BMPER: variants seen among roughly 807,000 people sequenced by gnomAD.
BMPER encodes BMP-binding endothelial regulator protein.
In BMPER, 45 loss-of-function variants were observed where a neutral mutation model predicts 87.3. The observed-to-expected ratio is 0.52, with a 90% CI of 0.41 to 0.66. The LOEUF is 0.66. BMPER is among the 30% of genes least tolerant of loss of function. The probability of loss-of-function intolerance (pLI) is 0.00; values close to 1 mark genes in which losing one functional copy is unlikely to be tolerated. For missense variants in BMPER, 784 were observed against 867.5 expected (o/e 0.90, Z 1.21); for synonymous variants, 326 against 316.2 (o/e 1.03, Z -0.33).
chr7:34,044,623 G>T (rs1787912295), intron 6 of BMPER, among the ~76,000 whole-genome samples: 1 of 152,120 alleles, frequency 6.6e-6, no homozygotes, highest in South Asian at 2.1e-4. Flanking sequence ...TATTATGCAG[G>T]GTTGAGTGAG....
chr7:34,052,371 A>C (rs1473770841), intron 8 of BMPER, among the ~76,000 whole-genome samples: 2 of 152,216 alleles, frequency 1.3e-5, no homozygotes, highest in Non-Finnish European at 2.9e-5. Flanking sequence ...TTCATCACAA[A>C]GATAAACCTG....
At chr7:33,921,342 TAAG>T (rs1194867830) in intron 2 of BMPER, among the ~76,000 whole-genome samples, 1 of 152,210 alleles carries the variant, frequency 6.6e-6, no homozygotes, top group Admixed American at 6.5e-5. Flanking sequence ...CTGGCATTCT[TAAG>T]AAACCAGTTT....
At chr7:33,996,287 C>T (rs909749827) in intron 6 of BMPER, among the ~76,000 whole-genome samples, 10 of 152,102 alleles carry the variant, frequency 6.6e-5, no homozygotes, top group African/African-American at 2.2e-4. Flanking sequence ...ACATGCTGTG[C>T]CTGCTAGCCA....
intron 3 of BMPER, among the ~76,000 whole-genome samples, chr7:33,943,326 C>T (rs1056814514): frequency 6.6e-6 from 1 of 152,062 alleles, no homozygotes; most frequent in Non-Finnish European, 1.5e-5. Flanking sequence ...CCCCGCACCC[C>T]ACAACATCAA....
chr7:34,002,305 A>G (rs947619855), intron 6 of BMPER, among the ~76,000 whole-genome samples: 1 of 151,814 alleles, frequency 6.6e-6, no homozygotes, highest in African/African-American at 2.4e-5. Flanking sequence ...ACAGTATTCA[A>G]TAAGTTACAT....
intron 13 of BMPER, among the ~76,000 whole-genome samples, chr7:34,127,349 T>TTGTCCCCCTACCGCCAATTGTTA (rs1342405584): frequency 4.6e-5 from 7 of 152,212 alleles, no homozygotes; most frequent in Admixed American, 4.6e-4. Context: ...CTGGCTTCTA[T>TTGTCCCCCTACCGCCAATTGTTA]TGTCCCCCTA....
chr7:34,047,844 T>TCCCTTCCTCCCTTCCTCCCTTCCTTCCC (rs1788029963), intron 7 of BMPER, among the ~76,000 whole-genome samples: 1 of 135,654 alleles, frequency 7.4e-6, no homozygotes, highest in Non-Finnish European at 1.6e-5. Flanking sequence ...GCTTTCTTTC[T>TCCCTTCCTCCCTTCCTCCCTTCCTTCCC]CTTTCTATCA....
At chr7:34,035,637 G>C (rs1787643577) in intron 6 of BMPER, among the ~76,000 whole-genome samples, 4 of 152,142 alleles carry the variant, frequency 2.6e-5, no homozygotes, top group Admixed American at 2.0e-4. Flanking sequence ...ACATTTTTGA[G>C]TTATTTTCAG....
intron 3 of BMPER, among the ~76,000 whole-genome samples, chr7:33,949,450 T>G (rs2128612799): frequency 6.6e-6 from 1 of 152,216 alleles, no homozygotes; most frequent in African/African-American, 2.4e-5. Flanking sequence ...TTTCATTTCT[T>G]TGTGTGTGTG....
At chr7:34,024,378 A>C (rs1787287698) in intron 6 of BMPER, among the ~76,000 whole-genome samples, 3 of 89,320 alleles carry the variant, frequency 3.4e-5, no homozygotes, top group African/African-American at 5.7e-5. Flanking sequence ...AAAAAAAAAA[A>C]AAAACAATAT....
chr7:33,905,166 G>A (rs1783773810), upstream of BMPER: 1 of 260,782 alleles, frequency 3.8e-6, no homozygotes, highest in Admixed American at 5.0e-5. Context: ...GGGAGTGGAG[G>A]ACGCTGCGGC....
At chr7:33,979,451 A>G (rs116307546) in intron 6 of BMPER, among the ~76,000 whole-genome samples, 7 of 151,760 alleles carry the variant, frequency 4.6e-5, no homozygotes, top group African/African-American at 1.2e-4. Flanking sequence ...CTTCCCTGCC[A>G]TCTTTCCCTC....
intron 6 of BMPER, among the ~76,000 whole-genome samples, chr7:33,995,139 T>A (rs1190791661): frequency 6.6e-6 from 1 of 152,158 alleles, no homozygotes; most frequent in East Asian, 1.9e-4. Context: ...TAAATTATAT[T>A]CAAAGATGCA....
At chr7:34,071,823 T>C (rs1788743195) in intron 11 of BMPER, among the ~76,000 whole-genome samples, 1 of 152,204 alleles carries the variant, frequency 6.6e-6, no homozygotes, top group African/African-American at 2.4e-5. Context: ...AATCATATAT[T>C]ATTGTTTATA....
intron 3 of BMPER, among the ~76,000 whole-genome samples, chr7:33,937,770 C>T (rs1329638923): frequency 6.6e-6 from 1 of 152,172 alleles, no homozygotes; most frequent in Admixed American, 6.5e-5. Flanking sequence ...CACACTCACC[C>T]TGCCCACCTC....
chr7:34,084,590 T>C (rs61671457), intron 12 of BMPER, among the ~76,000 whole-genome samples: 4,133 of 152,290 alleles, frequency 0.027, 194 homozygotes, highest in African/African-American at 0.094. Flanking sequence ...AAACAAAAAC[T>C]CTGGCTAGAA....
Position 34,036,155 on chromosome 7 carries a change from C to T in BMPER, c.577-10151C>T, listed in dbSNP as rs188935841. ...ATTGTTCTTTTCATCTGCCTGGAAG[C>T]GGGCCAGGCTGTAGATAAAGCGTTT... On this transcript the variant is annotated intron_variant, in intron 6 of 14. Coordinates refer to ENST00000649409, the MANE Select transcript of BMPER (RefSeq NM_001365308.1). Among the ~76,000 whole-genome samples, 53 of 152,210 alleles carry T rather than the reference C, an allele frequency of 3.5e-4. No individual in the cohort carries two copies. In the South Asian group the frequency reaches 5.4e-3, roughly 15 times the overall value.
At chr7:34,094,749 G>A (rs989830391) in intron 13 of BMPER, among the ~76,000 whole-genome samples, 1 of 152,198 alleles carries the variant, frequency 6.6e-6, no homozygotes, top group Non-Finnish European at 1.5e-5. Context: ...CCATTGCTAT[G>A]AGGGTTTGTG....
intron 13 of BMPER, among the ~76,000 whole-genome samples, chr7:34,139,568 A>C: frequency 6.6e-6 from 1 of 152,260 alleles, no homozygotes; most frequent in East Asian, 1.9e-4. Flanking sequence ...AATCAGGCCT[A>C]TGTAGAAAAT....
Sources: gnomAD v4.1 joint callset for allele counts (sites outside exome capture counted in the v4.1 genomes callset) on GRCh38, gnomAD v4.1.1 for gene constraint, MANE v1.5 for transcripts, NCBI Gene and HGNC (gene_info 2026-07-23, HGNC 2026-07-21) for gene names.